The following TXNDC11 variants were observed in gnomAD, a reference collection of about 807,000 sequenced individuals.
The protein encoded by TXNDC11 is thioredoxin domain containing 11.
Under a neutral mutation model 78.0 loss-of-function variants are expected in TXNDC11, and 68 were observed. That is an observed-to-expected ratio of 0.87 (90% CI 0.72 to 1.07). TXNDC11 has a LOEUF of 1.07. TXNDC11 is among the 50% of genes least tolerant of loss of function. TXNDC11 has a pLI of 0.00. For synonymous variants in TXNDC11, 571 were observed against 495.2 expected (o/e 1.15, Z -2.03); for missense variants, 1,389 against 1,221.8 (o/e 1.14, Z -2.04).
chr16:11,687,372 A>C (rs2050594035), intron 10 of TXNDC11, among the ~76,000 whole-genome samples: 1 of 152,236 alleles, frequency 6.6e-6, no homozygotes, highest in South Asian at 2.1e-4. Flanking sequence ...TTTCCCAAAA[A>C]ATATTTTTAA....
rs531247240 is a variant in TXNDC11 at position 11,725,783 on chromosome 16, T to C, written c.700-4113A>G. On this transcript the variant is annotated intron_variant, in intron 4 of 11. Transcript: ENST00000283033. The stretch of plus-strand genomic sequence containing the variant: ...ATTTCAGGGTTTACAAAGTTAAGAA[T>C]TTTTAGTACTCACCCTTTAATGGCT... Among the ~76,000 whole-genome samples, 6 of 152,376 alleles carry C rather than the reference T, an allele frequency of 3.9e-5. No homozygotes were observed. The South Asian group carries it at 1.0e-3, about 26-fold the overall frequency.
chr16:11,717,820 C>CAA (rs563811277), intron 5 of TXNDC11, among the ~76,000 whole-genome samples: 2 of 126,938 alleles, frequency 1.6e-5, no homozygotes, highest in East Asian at 2.3e-4. Context: ...GACTCTGTCT[C>CAA]AAAAAAAAAA....
At chr16:11,700,298 G>T (rs1373403815) in intron 6 of TXNDC11, among the ~76,000 whole-genome samples, 154 bp downstream of exon 6, 1 of 152,204 alleles carries the variant, frequency 6.6e-6, no homozygotes, top group Non-Finnish European at 1.5e-5. Context: ...CTGGGCTCTA[G>T]GGTGGGGCTG....
chr16:11,688,441 A>C lies in TXNDC11; in HGVS notation c.1905T>G (p.Ser635=), dbSNP rs755831009. The change falls in exon 9 of 12, where the codon TCT becomes TCG. Residue 635 remains serine, a synonymous_variant. Transcript: ENST00000283033. ...KQALMKLTLE[S]FIQNFSVLYS... The stretch of plus-strand genomic sequence containing the variant: ...AGAGAACGCTGAAGTTTTGAATAAA[A>C]GACTCTAAAAATAAAGAGAAAATGA... 6.2e-7 allele frequency: 1 copy of C among 1,603,726 alleles called. No homozygotes were observed. The highest frequency in any genetic ancestry group is 1.1e-5 in the South Asian group (1 of 89,688).
At chr16:11,716,129 CA>C (rs2051520053) in intron 5 of TXNDC11, among the ~76,000 whole-genome samples, 1 of 152,224 alleles carries the variant, frequency 6.6e-6, no homozygotes, top group Non-Finnish European at 1.5e-5. Context: ...TTACAGACCT[CA>C]CCAGGAGCAG....
chr16:11,720,713 G>A (rs906265563), intron 5 of TXNDC11, among the ~76,000 whole-genome samples: 22 of 146,718 alleles, frequency 1.5e-4, no homozygotes, highest in Non-Finnish European at 2.8e-4. Context: ...CACCGTGCCC[G>A]ACATTCATAT....
intron 5 of TXNDC11, among the ~76,000 whole-genome samples, chr16:11,704,126 A>G (rs1269963174): frequency 1.3e-5 from 2 of 152,200 alleles, no homozygotes; most frequent in African/African-American, 4.8e-5. Context: ...AGTGCTCATA[A>G]AAGGATGGGG....
intron 7 of TXNDC11, 147 bp downstream of exon 7, chr16:11,697,977 AG>A: frequency 1.4e-6 from 1 of 733,404 alleles, no homozygotes; most frequent in Non-Finnish European, 2.3e-6. Context: ...GCCCATATGG[AG>A]GGGCAAAGAG....
rs1356443110 is a variant in TXNDC11 at position 11,742,586 on chromosome 16, G to C, written c.145C>G (p.Arg49Gly). The change falls in exon 1 of 12, where the codon CGT becomes GGT. Residue 49 changes from arginine to glycine, a missense_variant. By Grantham distance (125) the Arg-to-Gly change is moderately radical. Coordinates refer to ENST00000283033, the MANE Select transcript of TXNDC11 (RefSeq NM_015914.7). Reference sequence around the variant, plus strand: ...AGGAAGGCGCCACGCAGCCCGCGACGGAGCCGGCCCGCCGAGGACGCTGTG... The same window carrying C: ...AGGAAGGCGCCACGCAGCCCGCGACCGAGCCGGCCCGCCGAGGACGCTGTG... ...LATASSAGRLRRGLRGAFLMA... is the reference protein window; with the variant it reads ...LATASSAGRLGRGLRGAFLMA... The C allele has an allele frequency of 6.9e-7, 1 of 1,457,148 alleles. No individual in the cohort carries two copies. Among genetic ancestry groups the C allele is most frequent in the East Asian group, 3.0e-5 (1 of 33,178 alleles). The allele number at this position is 1,457,148 out of a possible 1,614,324, so 90.3% of individuals were successfully genotyped here.
intron 1 of TXNDC11, among the ~76,000 whole-genome samples, chr16:11,741,369 T>G (rs987364617): frequency 2.6e-5 from 4 of 152,208 alleles, no homozygotes; most frequent in African/African-American, 4.8e-5. Flanking sequence ...ATTTTGTATG[T>G]GTGTACATTC....
chr16:11,723,251 G>A (rs34774904), intron 4 of TXNDC11, among the ~76,000 whole-genome samples: 89,979 of 149,684 alleles, frequency 0.6, 27,689 homozygotes, highest in African/African-American at 0.71. Context: ...GAGAGCAAGA[G>A]TCCATCTCAA....
At chr16:11,698,053 T>C (rs937173468) in intron 7 of TXNDC11, 72 bp downstream of exon 7, 10 of 1,409,792 alleles carry the variant, frequency 7.1e-6, no homozygotes, top group Non-Finnish European at 9.0e-6. Flanking sequence ...TGACTGAGTG[T>C]GGGATGAGAG....
At chr16:11,725,574 C>T (rs2051851819) in intron 4 of TXNDC11, among the ~76,000 whole-genome samples, 1 of 152,162 alleles carries the variant, frequency 6.6e-6, no homozygotes, top group Non-Finnish European at 1.5e-5. Flanking sequence ...GGCTGTCGTC[C>T]AGTCTCCATG....
intron 1 of TXNDC11, among the ~76,000 whole-genome samples, chr16:11,740,986 G>C (rs1597510006): frequency 6.8e-6 from 1 of 146,772 alleles, no homozygotes; most frequent in South Asian, 2.2e-4. Flanking sequence ...ACATCTTGTG[G>C]GGTGTGCTAC....
At position 11,684,254 on chromosome 16, in the gene TXNDC11, G is replaced by C. The variant is rs754389936; in HGVS notation, c.2154-9C>G. On this transcript the variant is annotated splice_polypyrimidine_tract_variant and intron_variant, in intron 10 of 11. Transcript: ENST00000283033. ...TCTGAGACACGTCAATCCTGGTAAA[G>C]GGAAAGAACAGAAATGGCAGATGAT... 5 of 1,607,452 alleles carry C rather than the reference G, an allele frequency of 3.1e-6. No homozygotes were observed. In the South Asian group the frequency reaches 3.3e-5, roughly 11 times the overall value.
In TXNDC11 at chr16:11,687,907, G is replaced by C. The variant is rs996811855; in HGVS notation, c.2103C>G (p.Ile701Met). The C allele has an allele frequency of 6.2e-7, 1 of 1,614,012 alleles. No individual in the cohort carries two copies. The highest frequency in any genetic ancestry group is 8.5e-7 in the Non-Finnish European group (1 of 1,179,940). The change falls in exon 10 of 12, where the codon ATC (isoleucine) becomes ATG (methionine). Residue 701 changes from isoleucine (I) to methionine (M), a missense_variant. Physicochemically the swap from Ile to Met is conservative, Grantham distance 10. Coordinates refer to ENST00000283033, the MANE Select transcript of TXNDC11 (RefSeq NM_015914.7). ...GCAGGTTCCGAGCTAGCTGGATGAA[G>C]ATGTGATTGAGGGATGGACAGAAGC... ...WCGFCPSLNH[I>M]FIQLARNLPM...
intron 7 of TXNDC11, among the ~76,000 whole-genome samples, chr16:11,697,495 G>A (rs758109908): frequency 2.6e-5 from 4 of 152,198 alleles, no homozygotes; most frequent in Non-Finnish European, 5.9e-5. Flanking sequence ...CTGTCTCTGA[G>A]CGCCTCCAAA....
intron 4 of TXNDC11, among the ~76,000 whole-genome samples, chr16:11,728,078 T>C (rs2051937207): frequency 6.6e-6 from 1 of 152,138 alleles, no homozygotes; most frequent in Non-Finnish European, 1.5e-5. Context: ...AACCCTAACT[T>C]AGCAGAATAT....
chr16:11,742,496 C>T lies in TXNDC11; in HGVS notation c.235G>A (p.Ala79Thr), dbSNP rs1384923203. The change falls in exon 1 of 12, where the codon GCC (alanine) becomes ACC (threonine). Residue 79 changes from alanine (A) to threonine (T), a missense_variant. Coordinates refer to ENST00000283033, the MANE Select transcript of TXNDC11 (RefSeq NM_015914.7). Reference protein sequence around the residue: ...AVALGCALLLALKFTCSRAKD... With the variant: ...AVALGCALLLTLKFTCSRAKD... Reference sequence around the variant, plus strand: ...CCTCACCTGCAGGTGAACTTGAGGGCGAGGAGCAGCGCGCAGCCGAGCGCC... The same window carrying T: ...CCTCACCTGCAGGTGAACTTGAGGGTGAGGAGCAGCGCGCAGCCGAGCGCC... 7.6e-6 allele frequency: 11 copies of T among 1,451,392 alleles called. No individual in the cohort carries two copies. The East Asian group carries it at 3.0e-4, about 39-fold the overall frequency. The allele number at this position is 1,451,392 out of a possible 1,614,324, so 89.9% of individuals were successfully genotyped here.
Sources: gnomAD v4.1 joint callset for allele counts (sites outside exome capture counted in the v4.1 genomes callset) on GRCh38, gnomAD v4.1.1 for gene constraint, MANE v1.5 for transcripts, NCBI Gene and HGNC (gene_info 2026-07-23, HGNC 2026-07-21) for gene names.